SASH1: variants seen among roughly 807,000 people sequenced by gnomAD.
SASH1 encodes SAM and SH3 domain-containing protein 1.
A neutral mutation model predicts 125.2 loss-of-function variants in SASH1; 44 were observed. That is an observed-to-expected ratio of 0.35 (90% CI 0.28 to 0.45). The LOEUF is 0.45. Ranked by LOEUF, SASH1 falls within the 20% of genes least tolerant of loss-of-function variation. The pLI, the probability that SASH1 is intolerant of heterozygous loss-of-function variation, is 1.00. For missense variants in SASH1, 1,426 were observed against 1,614.5 expected (o/e 0.88, Z 2.00); for synonymous variants, 639 against 649.1 (o/e 0.98, Z 0.24).
At chr6:148,314,101 G>C (rs1780410851) in intron 1 of SASH1, among the ~76,000 whole-genome samples, 1 of 152,176 alleles carries the variant, frequency 6.6e-6, no homozygotes, top group Admixed American at 6.5e-5. Flanking sequence ...TGTAGCCCAA[G>C]CGACACTGGG....
At chr6:148,498,871 G>T (rs866338479) in intron 8 of SASH1, among the ~76,000 whole-genome samples, 1 of 151,984 alleles carries the variant, frequency 6.6e-6, no homozygotes, top group Non-Finnish European at 1.5e-5. Context: ...TTGCCCTAGC[G>T]CCGGTCCTTA....
the SASH1 span, among the ~76,000 whole-genome samples, chr6:148,250,572 T>TAAAA: frequency 1.4e-5 from 2 of 141,368 alleles, no homozygotes; most frequent in Admixed American, 7.1e-5. Context: ...GCCTTAGTCT[T>TAAAA]AAAAAAAAAA....
intron 2 of SASH1, 40 bp from the exon 3 acceptor site, chr6:148,440,144 G>A: frequency 1.2e-6 from 2 of 1,602,776 alleles, no homozygotes; most frequent in Non-Finnish European, 1.7e-6. Context: ...CGTGTGACAT[G>A]TTTGGAAGTC....
At chr6:148,222,239 A>G in the SASH1 span, among the ~76,000 whole-genome samples, 6 of 152,186 alleles carry the variant, frequency 3.9e-5, no homozygotes, top group African/African-American at 1.4e-4. Context: ...AACAATTAGG[A>G]TGTTTCCCAG....
chr6:148,203,896 C>T, the SASH1 span, among the ~76,000 whole-genome samples: 1 of 152,216 alleles, frequency 6.6e-6, no homozygotes, highest in Non-Finnish European at 1.5e-5. Flanking sequence ...GAAACTCTAT[C>T]GTTTAACCTT....
At chr6:148,286,711 C>A (rs1014915913) in intron 1 of SASH1, among the ~76,000 whole-genome samples, 13 of 152,150 alleles carry the variant, frequency 8.5e-5, no homozygotes, top group African/African-American at 3.1e-4. Context: ...AGAGCCCACC[C>A]TAGTGACTCA....
At chr6:148,302,477 T>C (rs1039782898) in intron 1 of SASH1, among the ~76,000 whole-genome samples, 2 of 151,770 alleles carry the variant, frequency 1.3e-5, no homozygotes, top group Non-Finnish European at 2.9e-5. Flanking sequence ...TTTGCCATGA[T>C]ACTTGTGTTA....
At chr6:148,211,719 A>C in the SASH1 span, among the ~76,000 whole-genome samples, 1 of 152,198 alleles carries the variant, frequency 6.6e-6, no homozygotes, top group East Asian at 1.9e-4. Flanking sequence ...CTAGAAATGA[A>C]GCCCCTGTGT....
At chr6:148,513,034 A>G (rs1432140960) in intron 8 of SASH1, 2 of 985,210 alleles carry the variant, frequency 2.0e-6, no homozygotes, top group African/African-American at 3.5e-5. Context: ...TGCAAAGAGG[A>G]CTCACAACGT....
intron 1 of SASH1, among the ~76,000 whole-genome samples, chr6:148,366,795 A>G (rs1048368943): frequency 6.6e-6 from 1 of 151,930 alleles, no homozygotes; most frequent in Non-Finnish European, 1.5e-5. Context: ...ACGGGGTTTC[A>G]CCGTATTGGT....
intron 2 of SASH1, among the ~76,000 whole-genome samples, chr6:148,439,495 G>A (rs976763570): frequency 1.3e-5 from 2 of 152,130 alleles, no homozygotes; most frequent in African/African-American, 4.8e-5. Flanking sequence ...AAATTGGATT[G>A]GGGCTGGGCG....
chr6:148,233,742 C>CAAAAAAAAAAAAAAAAAAAAAAAA, the SASH1 span, among the ~76,000 whole-genome samples: 596 of 60,464 alleles, frequency 9.9e-3, 94 homozygotes, highest in Middle Eastern at 0.017. Context: ...TTCCTCTCTA[C>CAAAAAAAAAAAAAAAAAAAAAAAA]AAAAAAAAAA....
At chr6:148,514,906 C>G (rs1780355465) in intron 9 of SASH1, among the ~76,000 whole-genome samples, 2 of 152,152 alleles carry the variant, frequency 1.3e-5, no homozygotes, top group Non-Finnish European at 1.5e-5. Context: ...CTTTAAATTT[C>G]TCAGGGTTGA....
At chr6:148,464,593 C>T (rs1030487834) in intron 4 of SASH1, among the ~76,000 whole-genome samples, 4 of 152,160 alleles carry the variant, frequency 2.6e-5, no homozygotes, top group Non-Finnish European at 1.5e-5. Context: ...ACCCCTTCCA[C>T]CTGCTGCCAT....
intron 1 of SASH1, among the ~76,000 whole-genome samples, chr6:148,297,613 A>G (rs1335968138): frequency 6.6e-6 from 1 of 152,176 alleles, no homozygotes; most frequent in Non-Finnish European, 1.5e-5. Context: ...GGATTGCCTG[A>G]GGTCAGGAGT....
intron 7 of SASH1, among the ~76,000 whole-genome samples, chr6:148,474,465 T>C (rs551769009): frequency 7.9e-5 from 12 of 152,220 alleles, no homozygotes; most frequent in Non-Finnish European, 1.6e-4. Context: ...AAAATGGCCT[T>C]CTGAATGCAG....
At chr6:148,524,265 T>C (rs1781003505) in intron 10 of SASH1, 1 of 150,424 alleles carries the variant, frequency 6.6e-6, no homozygotes, top group South Asian at 2.1e-4. Context: ...ATTTCTTCCA[T>C]TTAATAGCTG....
intron 2 of SASH1, among the ~76,000 whole-genome samples, chr6:148,431,240 C>T (rs370240853): frequency 6.6e-6 from 1 of 152,046 alleles, no homozygotes; most frequent in African/African-American, 2.4e-5. Context: ...ACTCTGTCGC[C>T]CAGGCTGGGG....
the SASH1 span, among the ~76,000 whole-genome samples, chr6:148,238,625 TACACACACACACACACAC>T: frequency 6.9e-4 from 103 of 149,558 alleles, no homozygotes; most frequent in African/African-American, 2.3e-3. Context: ...TACACACACA[TACACACACACACACACAC>T]ACACACACAC....
Sources: allele counts gnomAD v4.1 joint callset (sites outside exome capture counted in the v4.1 genomes callset), GRCh38; gene constraint gnomAD v4.1.1; transcripts MANE v1.5; gene names NCBI Gene and HGNC (gene_info 2026-07-23, HGNC 2026-07-21).